Variants in KHDRBS2 observed in about 807,000 individuals in gnomAD.
The protein encoded by KHDRBS2 is KH domain-containing, RNA-binding, signal transduction-associated protein 2.
In KHDRBS2, 26 loss-of-function variants were observed where a neutral mutation model predicts 44.3. The observed-to-expected ratio is 0.59, with a 90% CI of 0.43 to 0.81. The LOEUF is 0.81. KHDRBS2 is among the 40% of genes least tolerant of loss of function. KHDRBS2 has a pLI of 0.00. For missense variants in KHDRBS2, 476 were observed against 433.1 expected, an observed-to-expected ratio of 1.10 and a Z score of -0.88; for synonymous variants, 194 against 151.1, an observed-to-expected ratio of 1.28 and a Z score of -2.08.
At chr6:61,816,634 A>G (rs1472304409) in intron 6 of KHDRBS2, 1 of 451,396 alleles carries the variant, frequency 2.2e-6, no homozygotes, top group Non-Finnish European at 4.5e-6. Context: ...CTTCGTTATC[A>G]CAATGCTATG....
chr6:61,671,413 C>T, the KHDRBS2 span, among the ~76,000 whole-genome samples: 9 of 151,588 alleles, frequency 5.9e-5, no homozygotes, highest in Admixed American at 1.3e-4. Flanking sequence ...GTTGTTAGGG[C>T]AACTGGTAGT....
At chr6:61,948,785 T>C (rs9345801) in intron 4 of KHDRBS2, among the ~76,000 whole-genome samples, 51,555 of 150,996 alleles carry the variant, frequency 0.34, 8,971 homozygotes, top group Middle Eastern at 0.41. Context: ...TAGCTGGAAC[T>C]ATACGCACAT....
At chr6:62,158,207 T>C (rs1332999026) in intron 2 of KHDRBS2, among the ~76,000 whole-genome samples, 2 of 152,186 alleles carry the variant, frequency 1.3e-5, no homozygotes, top group Admixed American at 1.3e-4. Flanking sequence ...TACACACACA[T>C]AGAATCTGGC....
intron 2 of KHDRBS2, among the ~76,000 whole-genome samples, chr6:62,118,361 T>C (rs980956010): frequency 2.6e-5 from 4 of 152,206 alleles, no homozygotes; most frequent in African/African-American, 7.2e-5. Context: ...TTGCTCAAGA[T>C]TGCTTTGGCT....
the KHDRBS2 span, among the ~76,000 whole-genome samples, chr6:61,607,519 G>GAAAAAAAAAAAAAAAAAAAAAAAAAAAA: frequency 2.1e-4 from 5 of 23,320 alleles, no homozygotes; most frequent in African/African-American, 3.1e-4. Context: ...TGAGTTCCAA[G>GAAAAAAAAAAAAAAAAAAAAAAAAAAAA]CAAAAAAAAA....
chr6:62,024,257 C>A (rs753352570), intron 3 of KHDRBS2, among the ~76,000 whole-genome samples: 2 of 150,936 alleles, frequency 1.3e-5, no homozygotes, highest in Non-Finnish European at 3.0e-5. Context: ...ATAATTAAAT[C>A]GAAATTTAGA....
intron 4 of KHDRBS2, among the ~76,000 whole-genome samples, chr6:61,903,137 C>T (rs1465753636): frequency 6.6e-6 from 1 of 152,170 alleles, no homozygotes; most frequent in Admixed American, 6.5e-5. Flanking sequence ...TAAGAATAAA[C>T]ATGTCTATTA....
At chr6:61,792,543 G>A (rs1006385824) in intron 6 of KHDRBS2, among the ~76,000 whole-genome samples, 3 of 151,542 alleles carry the variant, frequency 2.0e-5, no homozygotes, top group Non-Finnish European at 4.4e-5. Context: ...GAAATTGTAT[G>A]TGGTATACAT....
At position 62,124,448 on chromosome 6, in the gene KHDRBS2, CAG is replaced by C. The variant is rs561084769; in HGVS notation, c.219+52735_219+52736del. Among the ~76,000 whole-genome samples, 68 of 152,258 alleles carry C rather than the reference CAG, an allele frequency of 4.5e-4. No individual in the cohort carries two copies. In the South Asian group the frequency reaches 7.0e-3, roughly 16 times the overall value. ...GGTGCTGTGGACTCACAAAAACATG[CAG>C]AGATTCTTATCATGCAAACCTGTTT... On this transcript the variant is annotated intron_variant, in intron 2 of 8. Transcript: ENST00000281156.
intron 2 of KHDRBS2, among the ~76,000 whole-genome samples, chr6:62,060,139 G>C (rs1791399872): frequency 1.3e-5 from 2 of 151,828 alleles, no homozygotes; most frequent in Middle Eastern, 3.4e-3. Flanking sequence ...AAAACCCCAA[G>C]AGCGTAACAA....
Position 62,045,970 on chromosome 6 carries a change from A to G in KHDRBS2, c.336+1908T>C, listed in dbSNP as rs192565035. ...GGAACAAAAAAAAAAAAGAAAGAAA[A>G]AGAAAGAAAAAAAGGCCTTATCTTA... On this transcript the variant is annotated intron_variant, in intron 3 of 8. Transcript: ENST00000281156. 8.0e-3 allele frequency among the ~76,000 whole-genome samples: 1,207 copies of G among 150,994 alleles called. 17 individuals carry two copies. The highest frequency in any genetic ancestry group is 0.028 in the African/African-American group (1,168 of 41,360).
chr6:61,926,003 T>C (rs114539710), intron 4 of KHDRBS2, among the ~76,000 whole-genome samples: 1,898 of 152,208 alleles, frequency 0.012, 14 homozygotes, highest in Non-Finnish European at 0.018. Context: ...GAAGCCGACA[T>C]TGAGATAAAA....
intron 4 of KHDRBS2, among the ~76,000 whole-genome samples, chr6:61,941,911 T>A (rs1267187182): frequency 6.6e-6 from 1 of 152,098 alleles, no homozygotes; most frequent in Non-Finnish European, 1.5e-5. Flanking sequence ...CAAAAGATCC[T>A]AATGAAAAAG....
chr6:62,202,337 G>A (rs1827167743), intron 1 of KHDRBS2, among the ~76,000 whole-genome samples: 1 of 152,046 alleles, frequency 6.6e-6, no homozygotes, highest in South Asian at 2.1e-4. Context: ...CATAGAAACT[G>A]TGTAACATCC....
In KHDRBS2 at chr6:61,680,703, A is replaced by G. The variant is rs1253638045; in HGVS notation, c.*260T>C. ...CACAACAATGAAAAACAACCAAGAG[A>G]ATATCATCCTACTGAAAGGTTTATA... On this transcript the variant is annotated 3_prime_UTR_variant, in exon 9 of 9. Transcript: ENST00000281156. 6.9e-6 allele frequency: 2 copies of G among 289,054 alleles called. No homozygotes were observed. Among genetic ancestry groups the G allele is most frequent in the African/African-American group, 4.3e-5 (2 of 46,062 alleles). The allele number at this position is 289,054 out of a possible 1,614,324, so 17.9% of individuals were successfully genotyped here.
chr6:61,698,098 A>G (rs900837102), intron 7 of KHDRBS2, among the ~76,000 whole-genome samples: 1 of 152,178 alleles, frequency 6.6e-6, no homozygotes, highest in South Asian at 2.1e-4. Context: ...GCTCTTGACA[A>G]GATCTTAACA....
At chr6:62,049,383 A>T (rs1788467152) in intron 2 of KHDRBS2, among the ~76,000 whole-genome samples, 1 of 151,988 alleles carries the variant, frequency 6.6e-6, no homozygotes. Flanking sequence ...GATCGATCAT[A>T]GAACTATATG....
intron 6 of KHDRBS2, among the ~76,000 whole-genome samples, chr6:61,830,611 C>T (rs2145960): frequency 0.12 from 18,204 of 152,148 alleles, 1,250 homozygotes; most frequent in East Asian, 0.29. Flanking sequence ...TAGTTGACAA[C>T]GAGGCTGGCA....
At chr6:61,956,911 T>TCATCATCAA (rs2127390589) in intron 4 of KHDRBS2, among the ~76,000 whole-genome samples, 1 of 150,410 alleles carries the variant, frequency 6.6e-6, no homozygotes, top group Admixed American at 6.6e-5. Flanking sequence ...GTTTTCATCA[T>TCATCATCAA]CATCATCATC....
Sources: allele counts gnomAD v4.1 joint callset (sites outside exome capture counted in the v4.1 genomes callset), GRCh38; gene constraint gnomAD v4.1.1; transcripts MANE v1.5; gene names NCBI Gene and HGNC (gene_info 2026-07-23, HGNC 2026-07-21).